The following TTC23 variants were observed in gnomAD, a reference collection of about 807,000 sequenced individuals.
TTC23 encodes the protein tetratricopeptide repeat domain 23, also known as tetratricopeptide repeat protein 23.
A neutral mutation model predicts 55.1 loss-of-function variants in TTC23; 58 were observed. The observed-to-expected ratio is 1.05, with a 90% CI of 0.85 to 1.31. The LOEUF is 1.31. Among genes scored for constraint, TTC23 ranks in the 50% most tolerant of loss-of-function variants. The pLI, the probability that TTC23 is intolerant of heterozygous loss-of-function variation, is 0.00. For missense variants in TTC23, 516 were observed against 534.4 expected (o/e 0.97, Z 0.34); for synonymous variants, 203 against 199.9 (o/e 1.02, Z -0.13).
chr15:99,213,417 T>C (rs895931067), intron 8 of TTC23, among the ~76,000 whole-genome samples: 2 of 152,216 alleles, frequency 1.3e-5, no homozygotes, highest in African/African-American at 2.4e-5. Flanking sequence ...TGTTGCTAAT[T>C]TGGAAAGCAC....
At chr15:99,230,707 T>G (rs1379366399) in intron 4 of TTC23, among the ~76,000 whole-genome samples, 1 of 152,198 alleles carries the variant, frequency 6.6e-6, no homozygotes, top group Non-Finnish European at 1.5e-5. Context: ...TAAAGATACT[T>G]CTTATCTTTA....
chr15:99,199,994 T>C lies in TTC23; in HGVS notation c.684A>G (p.Val228=), dbSNP rs749548710. ...ISKGETSREC[V]PILRELAGVE... The stretch of plus-strand genomic sequence containing the variant: ...CACCTGCTAATTCTCTCAATATGGG[T>C]ACACACTCACGACTTGTTTCACCTT... Residue 228 remains valine, a synonymous_variant, in exon 9 of 14, where the codon GTA becomes GTG. Coordinates refer to ENST00000394132, the MANE Select transcript of TTC23 (RefSeq NM_001288615.3). 4.3e-6 allele frequency: 7 copies of C among 1,614,110 alleles called. No homozygotes were observed. The South Asian group carries it at 7.7e-5, about 18-fold the overall frequency.
rs2067742079 is a variant in TTC23 at position 99,138,122 on chromosome 15, G to A, written c.1232C>T (p.Pro411Leu). 2.5e-6 allele frequency: 4 copies of A among 1,612,326 alleles called. No homozygotes were observed. In the South Asian group the frequency reaches 4.4e-5, roughly 18 times the overall value. ...QQAMGMLSTA[P>L]KVASKPRQAS... ...CTGCCTTGGCTTCGAAGCAACCTTG[G>A]GGGCCCTGCAGACAAGCAGAGGGTG... The change falls in exon 14 of 14, where the codon CCC (proline) becomes CTC (leucine). Residue 411 changes from proline to leucine, a missense_variant. By Grantham distance (98) the Pro-to-Leu change is moderately conservative. Coordinates refer to ENST00000394132, the MANE Select transcript of TTC23 (RefSeq NM_001288615.3).
intron 1 of TTC23, chr15:99,248,383 A>T (rs1226788898): frequency 2.0e-5 from 3 of 152,224 alleles, no homozygotes; most frequent in African/African-American, 7.2e-5. Flanking sequence ...GCTGCTTTTT[A>T]AAATTTGTAA....
intron 8 of TTC23, among the ~76,000 whole-genome samples, chr15:99,202,929 G>C (rs572507005): frequency 4.6e-5 from 7 of 152,296 alleles, no homozygotes; most frequent in African/African-American, 1.4e-4. Flanking sequence ...GTGCTTTGCA[G>C]ACAGAAGCAC....
At chr15:99,228,992 ATACATG>A (rs1188012987) in intron 4 of TTC23, among the ~76,000 whole-genome samples, 1 of 152,146 alleles carries the variant, frequency 6.6e-6, no homozygotes, top group Non-Finnish European at 1.5e-5. Context: ...ACACACATAC[ATACATG>A]TATATGTGTA....
rs754127648 is a variant in TTC23, at chr15:99,161,759, T to C, written c.974A>G (p.Gln325Arg). ...SIQDEFCHFLQMTGQKERATS... is the reference protein window; with the variant it reads ...SIQDEFCHFLRMTGQKERATS... ...ACTTACCTCTTTTTGTCCAGTCATT[T>C]GTAGAAAATGGCAAAATTCATCTTG... The change falls in exon 11 of 14, where the codon CAA becomes CGA. Residue 325 changes from glutamine (Q) to arginine (R), a missense_variant. Gln to Arg is a conservative substitution (Grantham distance 43). Transcript: ENST00000394132. 12 of 1,612,802 alleles carry C rather than the reference T, an allele frequency of 7.4e-6. No homozygotes were observed. The highest frequency in any genetic ancestry group is 9.3e-6 in the Non-Finnish European group (11 of 1,179,734).
chr15:99,143,314 A>G lies in TTC23; in HGVS notation c.1144-3915T>C, dbSNP rs2068459121. Among the ~76,000 whole-genome samples, 4 of 152,370 alleles carry G rather than the reference A, an allele frequency of 2.6e-5. No homozygotes were observed. The South Asian group carries it at 8.3e-4, about 32-fold the overall frequency. On this transcript the variant is annotated intron_variant, in intron 12 of 13. Coordinates refer to ENST00000394132, the MANE Select transcript of TTC23 (RefSeq NM_001288615.3). ...TGCTCTTCTTAGCTAAATTTACTTA[A>G]GCATTTTTGTGTGAAGTAGGTGTTT... is the stretch of plus-strand genomic sequence containing the variant.
At chr15:99,140,910 C>T (rs988757406) in intron 12 of TTC23, 7 of 152,050 alleles carry the variant, frequency 4.6e-5, no homozygotes, top group Non-Finnish European at 1.0e-4. Flanking sequence ...AAATACCAAA[C>T]CAAACCAAAA....
At chr15:99,195,631 G>A (rs1278109986) in intron 9 of TTC23, among the ~76,000 whole-genome samples, 1 of 152,156 alleles carries the variant, frequency 6.6e-6, no homozygotes, top group African/African-American at 2.4e-5. Context: ...AAGCCACTCT[G>A]CGTGATATTA....
intron 8 of TTC23, among the ~76,000 whole-genome samples, chr15:99,208,651 A>T (rs561660199): frequency 2.6e-5 from 4 of 152,308 alleles, no homozygotes; most frequent in Non-Finnish European, 2.9e-5. Context: ...GCAACCCACA[A>T]TGAGCCTTCT....
intron 10 of TTC23, among the ~76,000 whole-genome samples, chr15:99,165,297 C>T (rs1218723331): frequency 6.6e-6 from 1 of 152,220 alleles, no homozygotes; most frequent in Non-Finnish European, 1.5e-5. Context: ...ATAAACAGCC[C>T]TGTACACCTC....
Position 99,137,954 on chromosome 15 carries a change from C to G in TTC23, c.*56G>C, listed in dbSNP as rs782340219. The G allele has an allele frequency of 1.2e-6, 2 of 1,608,166 alleles. No individual in the cohort carries two copies. The highest frequency in any genetic ancestry group is 1.7e-4 in the Middle Eastern group (1 of 6,026). On this transcript the variant is annotated 3_prime_UTR_variant, in exon 14 of 14. Transcript: ENST00000394132. Reference sequence around the variant, plus strand: ...ATTTTCTAGGCGGAGGTGATTTGTACAGCACCCTAAATGACAGTGCCCAGG... The same window carrying G: ...ATTTTCTAGGCGGAGGTGATTTGTAGAGCACCCTAAATGACAGTGCCCAGG...
chr15:99,171,209 C>T (rs1329142159), intron 10 of TTC23, among the ~76,000 whole-genome samples: 1 of 152,182 alleles, frequency 6.6e-6, no homozygotes, highest in African/African-American at 2.4e-5. Context: ...TTCCTAATAG[C>T]ATCAGGATGA....
At chr15:99,219,343 T>C (rs2077726953) in intron 6 of TTC23, among the ~76,000 whole-genome samples, 1 of 152,160 alleles carries the variant, frequency 6.6e-6, no homozygotes, top group African/African-American at 2.4e-5. Flanking sequence ...ATGTTACATA[T>C]AATTATAAGA....
chr15:99,165,896 T>C (rs1167958762), intron 10 of TTC23, among the ~76,000 whole-genome samples: 1 of 152,162 alleles, frequency 6.6e-6, no homozygotes, highest in African/African-American at 2.4e-5. Context: ...TGAATGAAGA[T>C]AGTCAGGAGT....
chr15:99,247,736 TTAGGATGATGAAAATTTTCTAAATTTTC>T (rs1393483563), intron 1 of TTC23, among the ~76,000 whole-genome samples: 16 of 54,676 alleles, frequency 2.9e-4, no homozygotes, highest in South Asian at 9.5e-4. Context: ...AAGTATTTTT[TTAGGATGATGAAAATTTTCTAAATTTTC>T]TAGGATGATG....
At chr15:99,148,388 G>T (rs201421378) in intron 12 of TTC23, 3 of 27,962 alleles carry the variant, frequency 1.1e-4, no homozygotes, top group African/African-American at 3.2e-4. Flanking sequence ...AAAAAAAAAA[G>T]ACCTTCTTAG....
intron 10 of TTC23, among the ~76,000 whole-genome samples, chr15:99,171,821 C>T (rs540799196): frequency 2.0e-5 from 3 of 152,020 alleles, no homozygotes; most frequent in East Asian, 3.9e-4. Context: ...CCACCCACCT[C>T]GGCCTCCCAA....
Sources: allele counts gnomAD v4.1 joint callset (sites outside exome capture counted in the v4.1 genomes callset), GRCh38; gene constraint gnomAD v4.1.1; transcripts MANE v1.5; gene names NCBI Gene and HGNC (gene_info 2026-07-23, HGNC 2026-07-21).